The following TXK variants were observed in gnomAD, a reference collection of about 807,000 sequenced individuals.
TXK encodes TXK tyrosine kinase.
In TXK, 60 loss-of-function variants were observed where a neutral mutation model predicts 81.0. That is an observed-to-expected ratio of 0.74 (90% confidence interval 0.60 to 0.92). TXK has a LOEUF of 0.92. Among genes scored for constraint, TXK ranks in the 40% least tolerant of loss-of-function variants. The pLI is 0.00. For synonymous variants in TXK, 203 were observed against 210.7 expected (o/e 0.96, Z 0.32); for missense variants, 581 against 638.3 (o/e 0.91, Z 0.97).
At position 48,095,138 on chromosome 4, in the gene TXK, C is replaced by CT. The variant is rs772434678; in HGVS notation, c.581+4dup. ...TCTATAGTAACCAAAATCACAAGTGCTTACCTTCTAGCTCCCATAAATACG... is the reference window on the plus strand; with the variant it reads ...TCTATAGTAACCAAAATCACAAGTGCTTTACCTTCTAGCTCCCATAAATACG... On this transcript the variant is annotated splice_donor_region_variant and intron_variant, in intron 7 of 14. Transcript: ENST00000264316. 1 of 1,608,838 alleles carries CT rather than the reference C, an allele frequency of 6.2e-7. No individual in the cohort carries two copies. The highest frequency in any genetic ancestry group is 8.5e-7 in the Non-Finnish European group (1 of 1,175,424).
At chr4:48,106,599 T>C (rs1046611902) in intron 5 of TXK, among the ~76,000 whole-genome samples, 5 of 152,132 alleles carry the variant, frequency 3.3e-5, no homozygotes, top group African/African-American at 1.2e-4. Flanking sequence ...CATGTCCCAA[T>C]CTTAGATTTC....
At chr4:48,090,989 C>T (rs898997346) in intron 8 of TXK, among the ~76,000 whole-genome samples, 2 of 152,246 alleles carry the variant, frequency 1.3e-5, no homozygotes, top group Admixed American at 1.3e-4. Context: ...GTGTGCAAGG[C>T]ACTCTTCTAG....
chr4:48,078,212 T>C (rs111844768), intron 11 of TXK, among the ~76,000 whole-genome samples: 6 of 152,344 alleles, frequency 3.9e-5, no homozygotes, highest in African/African-American at 1.4e-4. Context: ...TCTCATAAGA[T>C]AGACTCTAGT....
intron 2 of TXK, 21 bp from the exon 3 acceptor site, chr4:48,113,330 T>C (rs1236954032): frequency 6.4e-7 from 1 of 1,567,202 alleles, no homozygotes; most frequent in East Asian, 2.2e-5. Context: ...AAAGCAATCA[T>C]GTTACAAATA....
chr4:48,107,769 T>C (rs1212122538), intron 5 of TXK, among the ~76,000 whole-genome samples: 1 of 151,372 alleles, frequency 6.6e-6, no homozygotes, highest in African/African-American at 2.4e-5. Context: ...GATTTAAAAT[T>C]GTACATTTAT....
chr4:48,109,735 C>A (rs890417510), intron 5 of TXK, among the ~76,000 whole-genome samples: 1 of 152,168 alleles, frequency 6.6e-6, no homozygotes, highest in Non-Finnish European at 1.5e-5. Context: ...CTGAGTTAGG[C>A]CTCCAGGTGG....
In TXK at chr4:48,067,534, T is replaced by A. The variant is rs1269867969; in HGVS notation, c.*103A>T. The A allele has an allele frequency of 9.8e-6, 12 of 1,224,610 alleles. No homozygotes were observed. Among genetic ancestry groups the A allele is most frequent in the Non-Finnish European group, 1.4e-5 (12 of 840,322 alleles). 75.9% of individuals were successfully genotyped at this position (1,224,610 alleles called of 1,614,324 possible). A position where few individuals can be genotyped will look rare whatever the true frequency, so the allele number is the denominator to read the frequency against. Reference sequence around the variant, plus strand: ...TGCACTGTTTTCAAGAGTCAGCAACTCTGAAGAAAGATATTCACCATAAGT... The same window carrying A: ...TGCACTGTTTTCAAGAGTCAGCAACACTGAAGAAAGATATTCACCATAAGT... On this transcript the variant is annotated 3_prime_UTR_variant, in exon 15 of 15. Coordinates refer to ENST00000264316, the MANE Select transcript of TXK (RefSeq NM_003328.3).
rs558950100 is a variant in TXK at position 48,097,167 on chromosome 4, T to C, written c.502-1945A>G. Among the ~76,000 whole-genome samples the C allele has an allele frequency of 7.2e-4, 109 of 152,180 alleles. 1 individual carries two copies. Among genetic ancestry groups the C allele is most frequent in the African/African-American group, 2.6e-3 (108 of 41,542 alleles). On this transcript the variant is annotated intron_variant, in intron 6 of 14. Transcript: ENST00000264316. ...TGGTTGCTTAGGGAAAAATAATAGATAAACTGCTAATTAACCTAATCACTA... is the reference window on the plus strand; with the variant it reads ...TGGTTGCTTAGGGAAAAATAATAGACAAACTGCTAATTAACCTAATCACTA...
chr4:48,132,596 A>ATG (rs1359008693), intron 1 of TXK, among the ~76,000 whole-genome samples: 1 of 151,986 alleles, frequency 6.6e-6, no homozygotes, highest in Non-Finnish European at 1.5e-5. Flanking sequence ...ATATGTGTGT[A>ATG]TGTGTGTGTG....
intron 6 of TXK, among the ~76,000 whole-genome samples, chr4:48,104,007 A>G (rs1718301106): frequency 6.6e-6 from 1 of 150,532 alleles, no homozygotes; most frequent in Admixed American, 6.7e-5. Context: ...GTTCAAGACC[A>G]GTTGGGCAGC....
In TXK at chr4:48,088,231, T is replaced by C. The variant is rs558304028; in HGVS notation, c.784+1519A>G. Among the ~76,000 whole-genome samples the C allele has an allele frequency of 4.6e-5, 7 of 152,314 alleles. No homozygotes were observed. The East Asian group carries it at 1.3e-3, about 29-fold the overall frequency. ...TTGTTGATGGGAGTGTAATTTGGTA[T>C]AAGCTCTTTAGAAAACTGACTGTAT... On this transcript the variant is annotated intron_variant, in intron 9 of 14. Coordinates refer to ENST00000264316, the MANE Select transcript of TXK (RefSeq NM_003328.3).
At position 48,118,173 on chromosome 4, in the gene TXK, T is replaced by G. The variant is rs540568611; in HGVS notation, c.17-3771A>C. On this transcript the variant is annotated intron_variant, in intron 1 of 14. Transcript: ENST00000264316. ...TCTTTTCCTAATGAAGTGAATAAAC[T>G]TATGTGTTTCCTGAAGTTCTGGGAG... 2.6e-5 allele frequency among the ~76,000 whole-genome samples: 4 copies of G among 152,330 alleles called. No individual in the cohort carries two copies. The South Asian group carries it at 8.3e-4, about 32-fold the overall frequency.
At chr4:48,071,458 C>G in intron 14 of TXK, 59 bp downstream of exon 14, 1 of 1,504,002 alleles carries the variant, frequency 6.6e-7, no homozygotes, top group South Asian at 1.2e-5. Context: ...TTGTGATAAT[C>G]AGGTCTGCTC....
At chr4:48,109,332 T>C (rs1718560423) in intron 5 of TXK, 1 of 152,158 alleles carries the variant, frequency 6.6e-6, no homozygotes, top group African/African-American at 2.4e-5. Context: ...TGGCCTCTTT[T>C]GTTTTCAATT....
intron 14 of TXK, 139 bp downstream of exon 14, chr4:48,071,378 T>C: frequency 1.2e-6 from 1 of 828,214 alleles, no homozygotes; most frequent in Non-Finnish European, 1.9e-6. Flanking sequence ...GAGATAGTAC[T>C]TCAGACTCTC....
intron 1 of TXK, among the ~76,000 whole-genome samples, chr4:48,125,494 C>A (rs1448228119): frequency 6.6e-6 from 1 of 152,206 alleles, no homozygotes; most frequent in Non-Finnish European, 1.5e-5. Flanking sequence ...CAACTTTATC[C>A]CTGACTCAAA....
intron 1 of TXK, 135 bp downstream of exon 1, chr4:48,134,020 C>T (rs1719313898): frequency 1.1e-6 from 1 of 912,548 alleles, no homozygotes; most frequent in South Asian, 2.0e-5. Context: ...AAAACTCTGT[C>T]ACAACATCTG....
At chr4:48,124,884 G>A (rs184838406) in intron 1 of TXK, among the ~76,000 whole-genome samples, 18 of 152,318 alleles carry the variant, frequency 1.2e-4, no homozygotes, top group Admixed American at 1.2e-3. Flanking sequence ...GCAGGCTTTA[G>A]TATCAGGCAG....
chr4:48,069,326 C>CTTTTT (rs376924565), intron 14 of TXK, among the ~76,000 whole-genome samples: 5 of 95,818 alleles, frequency 5.2e-5, no homozygotes, highest in African/African-American at 1.7e-4. Flanking sequence ...CTTTTCTTTT[C>CTTTTT]TTTTTTTTTT....
Sources: allele counts gnomAD v4.1 joint callset (sites outside exome capture counted in the v4.1 genomes callset), GRCh38; gene constraint gnomAD v4.1.1; transcripts MANE v1.5; gene names NCBI Gene and HGNC (gene_info 2026-07-23, HGNC 2026-07-21).